Variants in AGO4 observed in about 807,000 individuals in gnomAD.
AGO4 encodes the protein argonaute RISC component 4.
A neutral mutation model predicts 104.7 loss-of-function variants in AGO4; 33 were observed. That is an observed-to-expected ratio of 0.32 (90% CI 0.24 to 0.42). The LOEUF (loss-of-function observed/expected upper bound fraction) is 0.42, where lower values mean the gene tolerates loss of function less well. AGO4 is among the 10% of genes least tolerant of loss of function. The pLI, the probability that AGO4 is intolerant of heterozygous loss-of-function variation, is 1.00. For missense variants in AGO4, 711 were observed against 1,083.4 expected, an observed-to-expected ratio of 0.66 and a Z score of 4.83; for synonymous variants, 331 against 364.7, an observed-to-expected ratio of 0.91 and a Z score of 1.05.
intron 7 of AGO4, among the ~76,000 whole-genome samples, chr1:35,830,167 G>T (rs1476626774): frequency 6.9e-6 from 1 of 145,038 alleles, no homozygotes. Context: ...AAAAAAGCAA[G>T]ATTAAAGTTA....
Position 35,841,515 on chromosome 1 carries a change from C to T in AGO4, c.2040+35C>T, listed in dbSNP as rs777349892. On this transcript the variant is annotated intron_variant, in intron 14 of 17. Coordinates refer to ENST00000373210, the MANE Select transcript of AGO4 (RefSeq NM_017629.4). This position sits in a 1 kb window ranked among gnomAD's most constrained non-coding sequence, Gnocchi z 4.7. Reference sequence around the variant, plus strand: ...TTATCCCTGTTGCCCTTCGGGGCCCCTAGGAGTCTGAGGGAGATTCCTCTC... The same window carrying T: ...TTATCCCTGTTGCCCTTCGGGGCCCTTAGGAGTCTGAGGGAGATTCCTCTC... 2.5e-6 allele frequency: 4 copies of T among 1,608,800 alleles called. No homozygotes were observed. In the Admixed American group the frequency reaches 6.7e-5, roughly 27 times the overall value.
chr1:35,851,538 G>A (rs931993397), intron 17 of AGO4, among the ~76,000 whole-genome samples: 1 of 152,316 alleles, frequency 6.6e-6, no homozygotes, highest in Middle Eastern at 3.4e-3. Context: ...GGCATCTCAG[G>A]AGAATCAGAG....
intron 7 of AGO4, among the ~76,000 whole-genome samples, chr1:35,830,408 C>T (rs1284969731): frequency 6.6e-6 from 1 of 152,176 alleles, no homozygotes; most frequent in East Asian, 1.9e-4. Flanking sequence ...GGGAACAAAA[C>T]ACCTACATGG....
intron 15 of AGO4, among the ~76,000 whole-genome samples, chr1:35,844,719 C>T (rs764082898): frequency 2.0e-5 from 3 of 152,114 alleles, no homozygotes; most frequent in Non-Finnish European, 2.9e-5. Flanking sequence ...TGGTCAATTA[C>T]GCATTATTTT....
At chr1:35,829,409 C>A (rs943778775) in intron 7 of AGO4, among the ~76,000 whole-genome samples, 1 of 151,808 alleles carries the variant, frequency 6.6e-6, no homozygotes, top group Non-Finnish European at 1.5e-5. Flanking sequence ...AATTATTTCA[C>A]ATAACCCTGT....
chr1:35,830,357 C>T (rs1644151114), intron 7 of AGO4, among the ~76,000 whole-genome samples: 1 of 152,032 alleles, frequency 6.6e-6, no homozygotes, highest in African/African-American at 2.4e-5. Flanking sequence ...AATGTGGCCC[C>T]AATAACTATG....
chr1:35,846,822 A>C (rs1571309274), intron 15 of AGO4, among the ~76,000 whole-genome samples: 1 of 152,016 alleles, frequency 6.6e-6, no homozygotes, highest in East Asian at 1.9e-4. Flanking sequence ...CTCAGAATCC[A>C]TGGGGGATTG....
At chr1:35,820,457 A>C (rs536584825) in intron 2 of AGO4, among the ~76,000 whole-genome samples, 37 of 152,204 alleles carry the variant, frequency 2.4e-4, no homozygotes, top group Non-Finnish European at 4.6e-4. Flanking sequence ...TCTGGGGTTC[A>C]ACTGATTCCC....
intron 3 of AGO4, among the ~76,000 whole-genome samples, chr1:35,824,565 G>A (rs918688347): frequency 6.8e-6 from 1 of 147,778 alleles, no homozygotes; most frequent in East Asian, 2.0e-4. Context: ...GTGGGAGATC[G>A]AGGTGGGAGA....
rs1644179221 is a variant in AGO4 at position 35,831,341 on chromosome 1, A to T, written c.849-86A>T. ...ACTCCAGCCTGGGCGACAGAGTGAGACACTGTCTCAAAAAAAAAGAAAAAA... is the reference window on the plus strand; with the variant it reads ...ACTCCAGCCTGGGCGACAGAGTGAGTCACTGTCTCAAAAAAAAAGAAAAAA... On this transcript the variant is annotated intron_variant, in intron 7 of 17. Coordinates refer to ENST00000373210, the MANE Select transcript of AGO4 (RefSeq NM_017629.4). 2.8e-6 allele frequency: 4 copies of T among 1,433,806 alleles called. No homozygotes were observed. The Admixed American group carries it at 9.2e-5, about 33-fold the overall frequency. 88.8% of individuals were successfully genotyped at this position (1,433,806 alleles called of 1,614,324 possible).
chr1:35,854,516 T>C lies in AGO4; in HGVS notation c.*911T>C, dbSNP rs1394683034. The C allele has an allele frequency of 1.3e-5, 2 of 152,696 alleles. No individual in the cohort carries two copies. The highest frequency in any genetic ancestry group is 2.9e-5 in the Non-Finnish European group (2 of 68,044). The allele number at this position is 152,696 out of a possible 1,614,324, so 9.5% of individuals were successfully genotyped here. The stretch of plus-strand genomic sequence containing the variant: ...AATAAACATTTTTTAAGGTCTCTCC[T>C]CTTCCTTCCCCAACAATGTAGTTTT... On this transcript the variant is annotated 3_prime_UTR_variant, in exon 18 of 18. Coordinates refer to ENST00000373210, the MANE Select transcript of AGO4 (RefSeq NM_017629.4).
chr1:35,826,426 ATTAG>A (rs753424915), intron 6 of AGO4, among the ~76,000 whole-genome samples: 1 of 152,156 alleles, frequency 6.6e-6, no homozygotes, highest in African/African-American at 2.4e-5. Flanking sequence ...TCTTCTTGTT[ATTAG>A]TTAGTTTCCC....
chr1:35,851,378 A>G (rs1644698475), intron 17 of AGO4, among the ~76,000 whole-genome samples: 1 of 152,196 alleles, frequency 6.6e-6, no homozygotes, highest in East Asian at 1.9e-4. Context: ...GCTCCGGTCA[A>G]AGTAGTCACA....
intron 13 of AGO4, among the ~76,000 whole-genome samples, chr1:35,838,450 G>C (rs1412948696): frequency 6.6e-6 from 1 of 152,004 alleles, no homozygotes; most frequent in Non-Finnish European, 1.5e-5. Context: ...GCCTCTGAAA[G>C]TGTTGGAATT....
intron 2 of AGO4, 144 bp from the exon 3 acceptor site, chr1:35,822,718 A>G: frequency 3.1e-6 from 3 of 977,174 alleles, no homozygotes; most frequent in Admixed American, 2.9e-5. Flanking sequence ...ACTATTTTTT[A>G]AAGTACTCGA....
In AGO4 at chr1:35,857,178, C is replaced by A. The variant is rs752879778; in HGVS notation, c.*3573C>A. On this transcript the variant is annotated 3_prime_UTR_variant, in exon 18 of 18. Transcript: ENST00000373210. ...GCTCACCCTCTCCACCCTGTCCTAA[C>A]GACCTTTTGTGAATGTGCTGTGATA... 5 of 152,164 alleles carry A rather than the reference C, an allele frequency of 3.3e-5. No homozygotes were observed. Among genetic ancestry groups the A allele is most frequent in the Admixed American group, 6.5e-5 (1 of 15,274 alleles). 9.4% of individuals were successfully genotyped at this position (152,164 alleles called of 1,614,324 possible). A position where few individuals can be genotyped will look rare whatever the true frequency, so the allele number is the denominator to read the frequency against.
chr1:35,841,844 T>A lies in AGO4; in HGVS notation c.2175+94T>A. The A allele has an allele frequency of 1.2e-6, 1 of 855,794 alleles. No homozygotes were observed. Among genetic ancestry groups the A allele is most frequent in the Non-Finnish European group, 1.5e-6 (1 of 660,392 alleles). The allele number at this position is 855,794 out of a possible 1,614,324, so 53.0% of individuals were successfully genotyped here. On this transcript the variant is annotated intron_variant, in intron 15 of 17. Coordinates refer to ENST00000373210, the MANE Select transcript of AGO4 (RefSeq NM_017629.4). This position sits in a 1 kb window ranked among gnomAD's most constrained non-coding sequence, Gnocchi z 4.7. Reference sequence around the variant, plus strand: ...TATATATATATATATATATACACCATTTTTATACAATTTTTTTCTTAAAAG... The same window carrying A: ...TATATATATATATATATATACACCAATTTTATACAATTTTTTTCTTAAAAG...
intron 15 of AGO4, among the ~76,000 whole-genome samples, chr1:35,843,997 C>T (rs986202547): frequency 1.3e-5 from 2 of 152,122 alleles, no homozygotes; most frequent in Admixed American, 6.6e-5. Flanking sequence ...TTTATTTTGC[C>T]TCTACTCTTA....
intron 1 of AGO4, among the ~76,000 whole-genome samples, chr1:35,811,167 AACCAC>A (rs1643490231): frequency 6.6e-6 from 1 of 151,248 alleles, no homozygotes; most frequent in Non-Finnish European, 1.5e-5. Context: ...AAACCAACCA[AACCAC>A]AACAAAAAAA....
Sources: gnomAD v4.1 joint callset for allele counts (sites outside exome capture counted in the v4.1 genomes callset) on GRCh38, gnomAD v4.1.1 for gene constraint, Gnocchi (gnomAD v3.1) non-coding constraint, MANE v1.5 for transcripts, NCBI Gene and HGNC (gene_info 2026-07-23, HGNC 2026-07-21) for gene names.